NEGR1: variants seen among roughly 807,000 people sequenced by gnomAD.
NEGR1 encodes neuronal growth regulator 1.
A neutral mutation model predicts 40.9 loss-of-function variants in NEGR1; 10 were observed. That is an observed-to-expected ratio of 0.24 (90% CI 0.15 to 0.42). The LOEUF is 0.42. NEGR1 is among the 10% of genes least tolerant of loss of function. The pLI is 1.00. For missense variants in NEGR1, 352 were observed against 438.9 expected (o/e 0.80, Z 1.77); for synonymous variants, 185 against 166.8 (o/e 1.11, Z -0.84).
chr1:71,674,821 T>G (rs1652561923), intron 4 of NEGR1, among the ~76,000 whole-genome samples: 1 of 152,080 alleles, frequency 6.6e-6, no homozygotes, highest in Non-Finnish European at 1.5e-5. Flanking sequence ...AGTTTCTGTA[T>G]CACTTTTTAT....
intron 1 of NEGR1, among the ~76,000 whole-genome samples, chr1:72,182,923 CAA>C (rs935520211): frequency 6.6e-6 from 1 of 151,722 alleles, no homozygotes; most frequent in African/African-American, 2.4e-5. Flanking sequence ...AAAATGAAAA[CAA>C]AAAAGTTTCA....
intron 1 of NEGR1, among the ~76,000 whole-genome samples, chr1:72,133,439 C>A (rs1175043979): frequency 6.6e-6 from 1 of 151,924 alleles, no homozygotes; most frequent in African/African-American, 2.4e-5. Context: ...ATAGGAAAAA[C>A]TATTTTGTTC....
At chr1:72,218,835 C>A (rs1653915391) in intron 1 of NEGR1, among the ~76,000 whole-genome samples, 1 of 152,012 alleles carries the variant, frequency 6.6e-6, no homozygotes, top group Admixed American at 6.6e-5. Flanking sequence ...TTGTTGCAGT[C>A]TTGAAATGCA....
intron 6 of NEGR1, among the ~76,000 whole-genome samples, chr1:71,558,915 C>T (rs1373859096): frequency 6.0e-5 from 9 of 149,944 alleles, no homozygotes; most frequent in Non-Finnish European, 1.3e-4. Flanking sequence ...GGTGTCAGTG[C>T]TTCTAGACTT....
rs117550944 is a variant in NEGR1 at position 71,751,897 on chromosome 1, A to G, written c.535+24275T>C. ...TGTGGAGGACATTATGTGAATGGAA[A>G]ATTTATCGTCATATGAGAATATGAA... On this transcript the variant is annotated intron_variant, in intron 3 of 6. Transcript: ENST00000357731. Among the ~76,000 whole-genome samples the G allele has an allele frequency of 2.6e-5, 4 of 152,326 alleles. No homozygotes were observed. In the East Asian group the frequency reaches 7.7e-4, roughly 29 times the overall value.
At chr1:71,906,839 C>A (rs1557427679) in intron 2 of NEGR1, among the ~76,000 whole-genome samples, 1 of 152,268 alleles carries the variant, frequency 6.6e-6, no homozygotes, top group East Asian at 1.9e-4. Flanking sequence ...AAACTAGCTG[C>A]TGGCTCTTAG....
intron 2 of NEGR1, among the ~76,000 whole-genome samples, chr1:71,833,781 T>C (rs1199700723): frequency 6.6e-6 from 1 of 152,094 alleles, no homozygotes; most frequent in African/African-American, 2.4e-5. Flanking sequence ...ATGTGCTTAA[T>C]TATTTTGACA....
At chr1:71,475,500 AT>A (rs1433408984) in intron 6 of NEGR1, among the ~76,000 whole-genome samples, 1 of 151,828 alleles carries the variant, frequency 6.6e-6, no homozygotes, top group Non-Finnish European at 1.5e-5. Context: ...TGTAACTGTA[AT>A]TTTTTTCATG....
At chr1:72,177,573 G>T (rs919424878) in intron 1 of NEGR1, among the ~76,000 whole-genome samples, 15 of 151,670 alleles carry the variant, frequency 9.9e-5, no homozygotes, top group Admixed American at 4.6e-4. Flanking sequence ...ATATATCAAA[G>T]TTCCTCTAAA....
intron 1 of NEGR1, among the ~76,000 whole-genome samples, chr1:72,000,577 T>G (rs2100380168): frequency 6.6e-6 from 1 of 152,306 alleles, no homozygotes; most frequent in East Asian, 1.9e-4. Context: ...CTATTTTTAG[T>G]CAATATTTGT....
intron 4 of NEGR1, among the ~76,000 whole-genome samples, chr1:71,650,348 G>C (rs1651670856): frequency 6.6e-6 from 1 of 152,068 alleles, no homozygotes; most frequent in Admixed American, 6.6e-5. Context: ...CCATACAGAT[G>C]GGGAAATCAG....
At chr1:72,159,509 C>T (rs1255955445) in intron 1 of NEGR1, among the ~76,000 whole-genome samples, 1 of 152,088 alleles carries the variant, frequency 6.6e-6, no homozygotes, top group Non-Finnish European at 1.5e-5. Flanking sequence ...TATTATACTT[C>T]AGTAAAGAGG....
At chr1:71,636,365 A>G (rs372088829) in intron 4 of NEGR1, among the ~76,000 whole-genome samples, 1 of 152,082 alleles carries the variant, frequency 6.6e-6, no homozygotes, top group Non-Finnish European at 1.5e-5. Flanking sequence ...TTTCATTTTT[A>G]TGTTATGTCT....
At chr1:72,089,115 T>C (rs1388257105) in intron 1 of NEGR1, among the ~76,000 whole-genome samples, 1 of 152,216 alleles carries the variant, frequency 6.6e-6, no homozygotes. Flanking sequence ...GTACAGATTC[T>C]GCTTTTCTAA....
intron 1 of NEGR1, among the ~76,000 whole-genome samples, chr1:72,038,086 T>G (rs1199038260): frequency 1.3e-5 from 2 of 152,118 alleles, no homozygotes; most frequent in African/African-American, 2.4e-5. Context: ...TTGGAAGTGA[T>G]GTAGCAAGGC....
intron 4 of NEGR1, among the ~76,000 whole-genome samples, chr1:71,691,584 G>T (rs1653282278): frequency 6.6e-6 from 1 of 151,632 alleles, no homozygotes; most frequent in African/African-American, 2.4e-5. Flanking sequence ...AACTATAAAA[G>T]TATTTAAATT....
intron 1 of NEGR1, among the ~76,000 whole-genome samples, chr1:72,237,421 T>G (rs1654586071): frequency 6.6e-6 from 1 of 151,916 alleles, no homozygotes; most frequent in South Asian, 2.1e-4. Flanking sequence ...AAGTCCAACA[T>G]AAAGGCACCA....
chr1:71,460,362 G>A (rs1458486474), intron 6 of NEGR1, among the ~76,000 whole-genome samples: 1 of 152,032 alleles, frequency 6.6e-6, no homozygotes, highest in Non-Finnish European at 1.5e-5. Flanking sequence ...AAGTCACCTA[G>A]GGCCAGGGCA....
At chr1:72,264,221 T>C (rs112664934) in intron 1 of NEGR1, among the ~76,000 whole-genome samples, 1 of 151,428 alleles carries the variant, frequency 6.6e-6, no homozygotes, top group African/African-American at 2.4e-5. Flanking sequence ...TTACAAGACA[T>C]TTATTATTCA....
Sources: gnomAD v4.1 joint callset for allele counts (sites outside exome capture counted in the v4.1 genomes callset) on GRCh38, gnomAD v4.1.1 for gene constraint, MANE v1.5 for transcripts, NCBI Gene and HGNC (gene_info 2026-07-23, HGNC 2026-07-21) for gene names.